The following ADAM2 variants were observed in gnomAD, a reference collection of about 807,000 sequenced individuals.
The protein encoded by ADAM2 is ADAM metallopeptidase domain 2, also known as disintegrin and metalloproteinase domain-containing protein 2.
ADAM2 carries 101 observed loss-of-function variants against 99.3 expected under a neutral mutation model. The observed-to-expected ratio is 1.02, with a 90% CI of 0.87 to 1.20. ADAM2 has a LOEUF of 1.20. Ranked by LOEUF, ADAM2 falls within the 50% of genes most tolerant of loss-of-function variation. ADAM2 has a pLI of 0.00. For missense variants in ADAM2, 948 were observed against 878.7 expected, an observed-to-expected ratio of 1.08 and a Z score of -1.00; for synonymous variants, 323 against 287.6, an observed-to-expected ratio of 1.12 and a Z score of -1.25.
chr8:39,806,933 C>T (rs927316218), intron 7 of ADAM2, among the ~76,000 whole-genome samples: 3 of 152,132 alleles, frequency 2.0e-5, no homozygotes, highest in South Asian at 2.1e-4. Flanking sequence ...CAGGATGGAA[C>T]GATACAGGTG....
At chr8:39,803,087 G>GAA (rs1308818252) in intron 7 of ADAM2, among the ~76,000 whole-genome samples, 1 of 152,134 alleles carries the variant, frequency 6.6e-6, no homozygotes, top group East Asian at 1.9e-4. Context: ...GAGAGCAACA[G>GAA]AAAAGATCGA....
At chr8:39,831,462 A>G (rs1805613809) in intron 3 of ADAM2, among the ~76,000 whole-genome samples, 1 of 152,232 alleles carries the variant, frequency 6.6e-6, no homozygotes, top group African/African-American at 2.4e-5. Flanking sequence ...AAACGAGCTC[A>G]TCAATGATAG....
At chr8:39,832,174 CCTT>C (rs1805645527) in intron 3 of ADAM2, among the ~76,000 whole-genome samples, 2 of 152,070 alleles carry the variant, frequency 1.3e-5, no homozygotes, top group African/African-American at 4.8e-5. Flanking sequence ...TTCCTGGTGT[CCTT>C]ATTTTGTATA....
chr8:39,758,434 A>C (rs1286128303), intron 15 of ADAM2, among the ~76,000 whole-genome samples: 1 of 152,098 alleles, frequency 6.6e-6, no homozygotes, highest in Non-Finnish European at 1.5e-5. Flanking sequence ...TGATAAGCCA[A>C]ATGTGTTAAA....
intron 3 of ADAM2, among the ~76,000 whole-genome samples, chr8:39,829,688 C>T (rs1805541299): frequency 6.6e-6 from 1 of 151,536 alleles, no homozygotes; most frequent in Admixed American, 6.6e-5. Context: ...TGCATAGGCC[C>T]AAAATAATAT....
intron 6 of ADAM2, among the ~76,000 whole-genome samples, chr8:39,820,133 T>C (rs1437695226): frequency 2.0e-5 from 3 of 152,166 alleles, no homozygotes; most frequent in Non-Finnish European, 4.4e-5. Flanking sequence ...TATGATACTT[T>C]TGAACATTTT....
At chr8:39,749,196 G>T in intron 18 of ADAM2, 116 bp downstream of exon 18, 1 of 917,222 alleles carries the variant, frequency 1.1e-6, no homozygotes, top group Non-Finnish European at 1.6e-6. Context: ...TTCATGTGCA[G>T]TTTAATGTCT....
intron 6 of ADAM2, among the ~76,000 whole-genome samples, chr8:39,820,739 A>C (rs988804310): frequency 3.3e-5 from 5 of 152,144 alleles, no homozygotes; most frequent in African/African-American, 1.2e-4. Flanking sequence ...AAAGGAGTAC[A>C]TCTGCTGACA....
intron 4 of ADAM2, among the ~76,000 whole-genome samples, chr8:39,822,809 G>T (rs1292408184): frequency 9.9e-5 from 15 of 150,798 alleles, no homozygotes; most frequent in Non-Finnish European, 2.2e-4. Context: ...TTGCTCTGTC[G>T]CCAGGCTGGT....
chr8:39,824,054 C>T (rs1189829479), intron 4 of ADAM2, among the ~76,000 whole-genome samples: 1 of 152,054 alleles, frequency 6.6e-6, no homozygotes, highest in Non-Finnish European at 1.5e-5. Flanking sequence ...GAGGCCAAGG[C>T]AGGTGGATCA....
rs529830482 is a variant in ADAM2, at chr8:39,831,917, C to A, written c.188+2027G>T. Among the ~76,000 whole-genome samples, 4 of 152,108 alleles carry A rather than the reference C, an allele frequency of 2.6e-5. No individual in the cohort carries two copies. In the South Asian group the frequency reaches 6.2e-4, roughly 24 times the overall value. On this transcript the variant is annotated intron_variant, in intron 3 of 20. Transcript: ENST00000265708. The stretch of plus-strand genomic sequence containing the variant: ...AGGTTAGCAGAGTGAGAAAAAGCAA[C>A]AATTAAACTTAAAAATTGATAAGAA...
At chr8:39,812,348 G>A (rs1804740013) in intron 6 of ADAM2, among the ~76,000 whole-genome samples, 1 of 152,182 alleles carries the variant, frequency 6.6e-6, no homozygotes, top group African/African-American at 2.4e-5. Flanking sequence ...TGACCATACT[G>A]CTGAAGGTAA....
intron 14 of ADAM2, among the ~76,000 whole-genome samples, chr8:39,763,224 A>T: frequency 6.6e-6 from 1 of 152,220 alleles, no homozygotes; most frequent in East Asian, 1.9e-4. Flanking sequence ...AAAAAAATGA[A>T]TAAAAAAAAT....
At chr8:39,771,710 C>T (rs962693018) in intron 11 of ADAM2, among the ~76,000 whole-genome samples, 1 of 152,020 alleles carries the variant, frequency 6.6e-6, no homozygotes, top group Non-Finnish European at 1.5e-5. Flanking sequence ...GTGGTTGCAT[C>T]CTGGCTGAAC....
chr8:39,772,799 A>T (rs140252702), intron 11 of ADAM2, among the ~76,000 whole-genome samples: 1 of 151,964 alleles, frequency 6.6e-6, no homozygotes, highest in African/African-American at 2.4e-5. Flanking sequence ...TTTTTCCTTA[A>T]TCCATAATCA....
At position 39,795,703 on chromosome 8, in the gene ADAM2, CTG is replaced by C. The variant is rs1416683808; in HGVS notation, c.571-6965_571-6964del. The stretch of plus-strand genomic sequence containing the variant: ...CACAAGTCATCAGGACCTCCTAAGA[CTG>C]TGTTAAGGGCATGTTCTTAACCTTG... On this transcript the variant is annotated intron_variant, in intron 7 of 20. Transcript: ENST00000265708. Among the ~76,000 whole-genome samples, 3 of 152,108 alleles carry C rather than the reference CTG, an allele frequency of 2.0e-5. No individual in the cohort carries two copies. The East Asian group carries it at 5.8e-4, about 29-fold the overall frequency.
At chr8:39,761,419 A>G (rs571428787) in intron 14 of ADAM2, 138 bp from the exon 15 acceptor site, 80 of 479,268 alleles carry the variant, frequency 1.7e-4, no homozygotes, top group Non-Finnish European at 2.7e-4. Context: ...CAAAATAAAA[A>G]CTAGATTTAA....
intron 3 of ADAM2, among the ~76,000 whole-genome samples, chr8:39,828,341 T>C (rs899080147): frequency 2.6e-5 from 4 of 151,780 alleles, no homozygotes; most frequent in African/African-American, 9.7e-5. Flanking sequence ...AAACATATGG[T>C]AATTGGTAGG....
At chr8:39,763,783 T>A (rs184853113) in intron 14 of ADAM2, among the ~76,000 whole-genome samples, 7 of 152,330 alleles carry the variant, frequency 4.6e-5, no homozygotes, top group Admixed American at 1.3e-4. Context: ...AAGTAAAGAA[T>A]CTGAACCGGT....
Sources: gnomAD v4.1 joint callset for allele counts (sites outside exome capture counted in the v4.1 genomes callset) on GRCh38, gnomAD v4.1.1 for gene constraint, MANE v1.5 for transcripts, NCBI Gene and HGNC (gene_info 2026-07-23, HGNC 2026-07-21) for gene names.